CPEB1: variants seen among roughly 807,000 people sequenced by gnomAD.
CPEB1 encodes cytoplasmic polyadenylation element-binding protein 1.
In CPEB1, 7 loss-of-function variants were observed where a neutral mutation model predicts 65.8. The observed-to-expected ratio is 0.11, with a 90% CI of 0.06 to 0.20. The LOEUF (loss-of-function observed/expected upper bound fraction) is 0.20. CPEB1 is among the 10% of genes least tolerant of loss of function. The probability of loss-of-function intolerance (pLI) is 1.00; values close to 1 mark genes in which losing one functional copy is unlikely to be tolerated. For missense variants in CPEB1, 551 were observed against 712.2 expected (o/e 0.77, Z 2.58); for synonymous variants, 262 against 260.0 (o/e 1.01, Z -0.08).
chr15:82,599,205 T>C lies in CPEB1; in HGVS notation c.272-27673A>G, dbSNP rs72751664. ...AATATTATGCAGGAGAATAAAAACGTTGAAAAATACAAGAAGATTGGAAAC... is the reference window on the plus strand; with the variant it reads ...AATATTATGCAGGAGAATAAAAACGCTGAAAAATACAAGAAGATTGGAAAC... On this transcript the variant is annotated intron_variant, in intron 3 of 12. Transcript: ENST00000684509. Among the ~76,000 whole-genome samples, 1,147 of 152,004 alleles carry C rather than the reference T, an allele frequency of 7.5e-3. 13 individuals carry two copies. Among genetic ancestry groups the C allele is most frequent in the Non-Finnish European group, 8.6e-3 (583 of 67,956 alleles).
intron 3 of CPEB1, among the ~76,000 whole-genome samples, chr15:82,578,856 T>C (rs1373887769): frequency 6.6e-6 from 1 of 152,020 alleles, no homozygotes; most frequent in Admixed American, 6.6e-5. Flanking sequence ...TTTGAGAGAG[T>C]CTCACTCTGT....
At chr15:82,640,961 A>T (rs113661426) in intron 1 of CPEB1, 4 of 152,168 alleles carry the variant, frequency 2.6e-5, no homozygotes, top group Non-Finnish European at 5.9e-5. Context: ...TTCAAGTACA[A>T]TAAGAGACCA....
At chr15:82,548,991 G>C (rs773806036) in intron 10 of CPEB1, among the ~76,000 whole-genome samples, 7 of 152,232 alleles carry the variant, frequency 4.6e-5, no homozygotes, top group Non-Finnish European at 8.8e-5. Context: ...AGTTAGGAAA[G>C]CACAGGCCAC....
chr15:82,611,547 A>C (rs1198920949), intron 3 of CPEB1, among the ~76,000 whole-genome samples: 1 of 151,926 alleles, frequency 6.6e-6, no homozygotes, highest in Non-Finnish European at 1.5e-5. Context: ...CTTTGAGACC[A>C]GGAGTTCAAG....
chr15:82,591,567 T>C (rs1326252239), intron 3 of CPEB1, among the ~76,000 whole-genome samples: 1 of 151,994 alleles, frequency 6.6e-6, no homozygotes, highest in East Asian at 1.9e-4. Flanking sequence ...GTGCCCAGCT[T>C]GATTTTCTCT....
chr15:82,562,605 T>A (rs1455760172), intron 4 of CPEB1, among the ~76,000 whole-genome samples: 1 of 152,118 alleles, frequency 6.6e-6, no homozygotes, highest in Admixed American at 6.5e-5. Context: ...CTTGGGGGAC[T>A]GAGGCAGGAG....
intron 3 of CPEB1, among the ~76,000 whole-genome samples, chr15:82,615,594 T>C (rs139648742): frequency 8.1e-4 from 124 of 152,306 alleles, no homozygotes; most frequent in African/African-American, 2.9e-3. Context: ...AGATCATATA[T>C]GCTACACGTA....
chr15:82,642,760 G>GA (rs144030177), intron 1 of CPEB1, among the ~76,000 whole-genome samples: 1 of 152,144 alleles, frequency 6.6e-6, no homozygotes, highest in Non-Finnish European at 1.5e-5. Context: ...TACCGCCTAG[G>GA]AAAAGCACAT....
At chr15:82,633,948 T>C (rs1343782602) in intron 1 of CPEB1, among the ~76,000 whole-genome samples, 2 of 150,720 alleles carry the variant, frequency 1.3e-5, no homozygotes, top group Non-Finnish European at 3.0e-5. Context: ...CTCTGAGCCT[T>C]GGTTACCTAA....
rs375484108 is a variant in CPEB1, at chr15:82,553,887, T to C, written c.1045A>G (p.Ile349Val). Residue 349 changes from isoleucine to valine, a missense_variant, in exon 7 of 13, where the codon ATT becomes GTT. By Grantham distance (29) the Ile-to-Val change is conservative (BLOSUM62 3). This residue lies in a region of CPEB1 where 99 missense variants were observed against 161.3 expected (regional missense o/e 0.61). Coordinates refer to ENST00000684509, the MANE Select transcript of CPEB1 (RefSeq NM_001365242.1). ...KVFLGGVPWD[I>V]TEAGLVNTFR... ...CTTAGAGACAGCTCACCTTCTGTAA[T>C]ATCCCAAGGAACACCTCCTAGAAAC... is the stretch of plus-strand genomic sequence containing the variant. 2.5e-6 allele frequency: 4 copies of C among 1,605,738 alleles called. No homozygotes were observed. In the African/African-American group the frequency reaches 5.4e-5, roughly 22 times the overall value.
At chr15:82,569,653 C>G (rs1029412790) in intron 4 of CPEB1, among the ~76,000 whole-genome samples, 4 of 152,220 alleles carry the variant, frequency 2.6e-5, no homozygotes, top group African/African-American at 9.7e-5. Context: ...TCAGACCAAG[C>G]TCTCCAAGCC....
Position 82,633,478 on chromosome 15 carries a change from T to C in CPEB1, c.-97-4922A>G, listed in dbSNP as rs186713850. On this transcript the variant is annotated intron_variant, in intron 1 of 12. Coordinates refer to ENST00000684509, the MANE Select transcript of CPEB1 (RefSeq NM_001365242.1). ...ACCTCTGCCTCCCGGGTTCAAGTGA[T>C]TCTCCTGCCTCAGCCTCCCGAGTAG... Among the ~76,000 whole-genome samples the C allele has an allele frequency of 3.1e-3, 471 of 152,342 alleles. 2 individuals carry two copies. The highest frequency in any genetic ancestry group is 5.4e-3 in the Non-Finnish European group (364 of 68,034).
intron 3 of CPEB1, among the ~76,000 whole-genome samples, chr15:82,599,487 C>CTT (rs2042926481): frequency 6.6e-6 from 1 of 152,124 alleles, no homozygotes; most frequent in South Asian, 2.1e-4. Flanking sequence ...CATCTGAAAT[C>CTT]TTACAGGATA....
At chr15:82,628,332 T>C (rs768442164) in intron 2 of CPEB1, 32 bp downstream of exon 2, 6 of 702,674 alleles carry the variant, frequency 8.5e-6, no homozygotes, top group African/African-American at 7.0e-5. Flanking sequence ...TTCCAAGACA[T>C]GGACCTTGGA....
At chr15:82,565,971 C>G (rs2039056508) in intron 4 of CPEB1, among the ~76,000 whole-genome samples, 1 of 152,174 alleles carries the variant, frequency 6.6e-6, no homozygotes, top group African/African-American at 2.4e-5. Context: ...CAGAGGGTTC[C>G]AGTTCATTAA....
At chr15:82,554,639 G>C (rs549840100) in intron 6 of CPEB1, among the ~76,000 whole-genome samples, 2 of 152,340 alleles carry the variant, frequency 1.3e-5, no homozygotes. Flanking sequence ...TGTCCCCACT[G>C]TTTGTACCTT....
intron 1 of CPEB1, among the ~76,000 whole-genome samples, chr15:82,639,849 A>ACTCTCTCTCT (rs112948983): frequency 6.9e-6 from 1 of 145,890 alleles, no homozygotes; most frequent in African/African-American, 2.5e-5. Context: ...ACGCGCAAAC[A>ACTCTCTCTCT]CTCTCTCTCT....
chr15:82,551,066 C>G (rs2056682498), intron 9 of CPEB1, among the ~76,000 whole-genome samples: 1 of 151,994 alleles, frequency 6.6e-6, no homozygotes, highest in Non-Finnish European at 1.5e-5. Context: ...CTAGAACATA[C>G]TAAGGTGGGA....
intron 3 of CPEB1, among the ~76,000 whole-genome samples, chr15:82,599,623 T>C (rs534348181): frequency 5.3e-5 from 8 of 152,284 alleles, no homozygotes; most frequent in East Asian, 1.9e-4. Context: ...TATGATGGAA[T>C]CTCTTTGCCC....
Sources: allele counts gnomAD v4.1 joint callset (sites outside exome capture counted in the v4.1 genomes callset), GRCh38; gene constraint gnomAD v4.1.1; regional missense constraint gnomAD v4.1.1; transcripts MANE v1.5; gene names NCBI Gene and HGNC (gene_info 2026-07-23, HGNC 2026-07-21).